Variants in FNDC3B observed in about 807,000 individuals in gnomAD.
FNDC3B encodes fibronectin type III domain-containing protein 3B.
In FNDC3B, 12 loss-of-function variants were observed where a neutral mutation model predicts 151.5. That is an observed-to-expected ratio of 0.08 (90% CI 0.05 to 0.13). The LOEUF is 0.13. FNDC3B is among the 10% of genes least tolerant of loss of function. FNDC3B has a pLI of 1.00. For synonymous variants in FNDC3B, 528 were observed against 549.0 expected (o/e 0.96, Z 0.54); for missense variants, 1,214 against 1,505.3 (o/e 0.81, Z 3.20).
intron 23 of FNDC3B, among the ~76,000 whole-genome samples, chr3:172,377,130 A>T (rs1198276372): frequency 6.6e-6 from 1 of 152,264 alleles, no homozygotes; most frequent in Non-Finnish European, 1.5e-5. Flanking sequence ...CCCCTAGGCC[A>T]AATTGGCCCA....
chr3:172,049,012 TAAA>T (rs1716502365), intron 1 of FNDC3B, among the ~76,000 whole-genome samples: 1 of 152,168 alleles, frequency 6.6e-6, no homozygotes, highest in Non-Finnish European at 1.5e-5. Flanking sequence ...TTTGGGATGA[TAAA>T]AAATTTCTGG....
chr3:172,112,541 G>A lies in FNDC3B; in HGVS notation c.62G>A (p.Gly21Glu), dbSNP rs771905097. 5.0e-6 allele frequency: 8 copies of A among 1,614,060 alleles called. No individual in the cohort carries two copies. The East Asian group carries it at 1.8e-4, about 36-fold the overall frequency. The change falls in exon 2 of 26, where the codon GGA becomes GAA. Residue 21 changes from glycine (G) to glutamate (E), a missense_variant. Coordinates refer to ENST00000415807, the MANE Select transcript of FNDC3B (RefSeq NM_022763.4). Reference protein sequence around the residue: ...IPLELPPLLNGEVAMMPHLVN... With the variant: ...IPLELPPLLNEEVAMMPHLVN... ...CTGGAACTGCCACCATTGCTGAACG[G>A]AGAGGTAGCCATGATGCCCCACTTG...
intron 11 of FNDC3B, among the ~76,000 whole-genome samples, chr3:172,326,810 CTT>C (rs34735771): frequency 2.0e-5 from 3 of 151,044 alleles, no homozygotes; most frequent in African/African-American, 7.3e-5. Context: ...GAAACACTGA[CTT>C]TTTTTTTACT....
intron 22 of FNDC3B, 66 bp downstream of exon 22, chr3:172,353,149 G>C: frequency 2.0e-6 from 3 of 1,478,290 alleles, no homozygotes; most frequent in Non-Finnish European, 2.8e-6. Context: ...TAAACCTCTC[G>C]GGGAAAATGA....
intron 6 of FNDC3B, among the ~76,000 whole-genome samples, chr3:172,257,608 A>G (rs559675407): frequency 6.3e-5 from 9 of 143,056 alleles, no homozygotes; most frequent in South Asian, 2.3e-4. Context: ...ACACACACAC[A>G]CGCACTCTGA....
At chr3:172,065,996 G>A (rs1277879375) in intron 1 of FNDC3B, among the ~76,000 whole-genome samples, 2 of 152,170 alleles carry the variant, frequency 1.3e-5, no homozygotes, top group Admixed American at 1.3e-4. Flanking sequence ...AAATACCCCT[G>A]ATTCTTAGTA....
chr3:172,284,609 C>T (rs1372611549), intron 6 of FNDC3B, among the ~76,000 whole-genome samples: 1 of 151,478 alleles, frequency 6.6e-6, no homozygotes, highest in Admixed American at 6.6e-5. Context: ...CAGGTCTGTG[C>T]AGAGCTGGGC....
chr3:172,192,758 T>A (rs1469393470), intron 3 of FNDC3B, among the ~76,000 whole-genome samples: 1 of 152,096 alleles, frequency 6.6e-6, no homozygotes, highest in Non-Finnish European at 1.5e-5. Flanking sequence ...TTTTACCTCA[T>A]CTTATTGAAG....
At chr3:172,361,496 G>A (rs1308722600) in intron 22 of FNDC3B, among the ~76,000 whole-genome samples, 1 of 152,132 alleles carries the variant, frequency 6.6e-6, no homozygotes, top group Non-Finnish European at 1.5e-5. Flanking sequence ...TGGAAACAAT[G>A]CAGCCAAGTT....
In FNDC3B at chr3:172,230,486, A is replaced by G. The variant is rs1417966647; in HGVS notation, c.264+3539A>G. Among the ~76,000 whole-genome samples the G allele has an allele frequency of 2.0e-5, 3 of 151,296 alleles. No individual in the cohort carries two copies. In the East Asian group the frequency reaches 5.8e-4, roughly 29 times the overall value. The stretch of plus-strand genomic sequence containing the variant: ...GCCACTGCACTCCAGCCTGGGTGAC[A>G]GAGTGAGACTCTGTCTCAAAAAAAA... On this transcript the variant is annotated intron_variant, in intron 4 of 25. Transcript: ENST00000415807.
intron 6 of FNDC3B, among the ~76,000 whole-genome samples, chr3:172,258,002 G>A (rs1728450974): frequency 6.6e-6 from 1 of 152,168 alleles, no homozygotes; most frequent in Non-Finnish European, 1.5e-5. Context: ...GTTGAAGTAT[G>A]TTCCTTGTAC....
At chr3:172,217,684 G>C (rs1295350003) in intron 3 of FNDC3B, among the ~76,000 whole-genome samples, 3 of 151,836 alleles carry the variant, frequency 2.0e-5, no homozygotes, top group Admixed American at 6.6e-5. Flanking sequence ...AAAACAACTT[G>C]ATAAAGTAGC....
chr3:172,285,829 A>G, intron 6 of FNDC3B, 97 bp from the exon 7 acceptor site: 1 of 818,600 alleles, frequency 1.2e-6, no homozygotes, highest in Middle Eastern at 2.2e-4. Flanking sequence ...CAACTGATTT[A>G]ATGATAACTC....
intron 3 of FNDC3B, among the ~76,000 whole-genome samples, chr3:172,167,747 G>C (rs896619880): frequency 1.3e-5 from 2 of 152,194 alleles, no homozygotes; most frequent in African/African-American, 4.8e-5. Flanking sequence ...CCTCCTGTCA[G>C]ATCAGCAGTG....
At chr3:172,133,632 T>C (rs370524615) in intron 3 of FNDC3B, 86 bp downstream of exon 3, 6 of 955,010 alleles carry the variant, frequency 6.3e-6, no homozygotes, top group Non-Finnish European at 1.0e-5. Context: ...TGTCTGCATG[T>C]AATTTTCTAG....
intron 25 of FNDC3B, among the ~76,000 whole-genome samples, chr3:172,395,458 A>G (rs1240970375): frequency 6.6e-6 from 1 of 152,218 alleles, no homozygotes; most frequent in Non-Finnish European, 1.5e-5. Flanking sequence ...TTTCTGTAAC[A>G]GTAAGCCTCT....
At chr3:172,275,600 A>G (rs1295186742) in intron 6 of FNDC3B, among the ~76,000 whole-genome samples, 1 of 152,224 alleles carries the variant, frequency 6.6e-6, no homozygotes, top group African/African-American at 2.4e-5. Flanking sequence ...TTTAGAGAAT[A>G]AAATGGAAAA....
At chr3:172,268,654 C>T (rs1400509525) in intron 6 of FNDC3B, among the ~76,000 whole-genome samples, 3 of 152,144 alleles carry the variant, frequency 2.0e-5, no homozygotes, top group Non-Finnish European at 4.4e-5. Context: ...AATCAACTTT[C>T]GTGGTATTGC....
chr3:172,116,695 AGCT>A (rs1395168943), intron 2 of FNDC3B, among the ~76,000 whole-genome samples: 1 of 152,164 alleles, frequency 6.6e-6, no homozygotes, highest in Admixed American at 6.5e-5. Context: ...CCTTCCGAGT[AGCT>A]GGGATTACAG....
Sources: gnomAD v4.1 joint callset for allele counts (sites outside exome capture counted in the v4.1 genomes callset) on GRCh38, gnomAD v4.1.1 for gene constraint, MANE v1.5 for transcripts, NCBI Gene and HGNC (gene_info 2026-07-23, HGNC 2026-07-21) for gene names.